The following HERC2 variants were observed in gnomAD, a reference collection of about 807,000 sequenced individuals.
HERC2 encodes E3 ubiquitin-protein ligase HERC2.
A neutral mutation model predicts 537.7 loss-of-function variants in HERC2; 102 were observed. The observed-to-expected ratio is 0.19, with a 90% CI of 0.16 to 0.22. HERC2 has a LOEUF of 0.22. HERC2 is among the 10% of genes least tolerant of loss of function. HERC2 has a pLI of 1.00. For missense variants in HERC2, 4,236 were observed against 6,198.2 expected (o/e 0.68, Z 10.63); for synonymous variants, 2,224 against 2,466.2 (o/e 0.90, Z 2.91).
intron 38 of HERC2, 50 bp from the exon 39 acceptor site, chr15:28,215,852 T>C (rs1231427562): frequency 1.8e-6 from 2 of 1,127,732 alleles, no homozygotes; most frequent in Middle Eastern, 2.9e-4. Flanking sequence ...TAAAGACAAA[T>C]CCCTAAAGAT....
Position 28,288,774 on chromosome 15 carries a change from C to G in HERC2, c.322+4114G>C, listed in dbSNP as rs550122091. On this transcript the variant is annotated intron_variant, in intron 4 of 92. Transcript: ENST00000261609. The stretch of plus-strand genomic sequence containing the variant: ...GAGGCAGGAGACTCGCTTGAACCCA[C>G]GTGGGGGAGGTTGCAGTGAGCTGAG... Among the ~76,000 whole-genome samples, 22 of 147,370 alleles carry G rather than the reference C, an allele frequency of 1.5e-4. No individual in the cohort carries two copies. The East Asian group carries it at 3.1e-3, about 20-fold the overall frequency.
At chr15:28,171,847 G>A (rs1356181169) in intron 65 of HERC2, among the ~76,000 whole-genome samples, 1 of 152,104 alleles carries the variant, frequency 6.6e-6, no homozygotes, top group East Asian at 1.9e-4. Flanking sequence ...GGCCGAGGTG[G>A]GCGGATCACG....
intron 3 of HERC2, among the ~76,000 whole-genome samples, chr15:28,294,280 A>C (rs1043422121): frequency 6.6e-6 from 1 of 151,900 alleles, no homozygotes; most frequent in African/African-American, 2.4e-5. Flanking sequence ...CTAATGGCTG[A>C]AAACTTCCTA....
intron 14 of HERC2, 37 bp from the exon 15 acceptor site, chr15:28,263,206 T>C (rs2075460583): frequency 6.3e-7 from 1 of 1,583,752 alleles, no homozygotes; most frequent in Non-Finnish European, 8.6e-7. Context: ...ACAACAACTC[T>C]GCATTTTAAC....
intron 86 of HERC2, among the ~76,000 whole-genome samples, chr15:28,121,134 C>T (rs1888839291): frequency 6.6e-6 from 1 of 152,228 alleles, no homozygotes; most frequent in African/African-American, 2.4e-5. Flanking sequence ...TGACATAAAT[C>T]TTCATTACTT....
In HERC2 at chr15:28,238,668, T is replaced by A. The variant is rs1270897034; in HGVS notation, c.3682A>T (p.Ile1228Phe). ...HNKDGGFWTV[I>F]DGKVYDIKDF... ...TTTATATCATACACCTTCCCGTCAA[T>A]CACAGTCCAGAAGCCTCCATCTTTA... is the stretch of plus-strand genomic sequence containing the variant. The change falls in exon 24 of 93, where the codon ATT (isoleucine) becomes TTT (phenylalanine). Residue 1228 changes from isoleucine (I) to phenylalanine (F), a missense_variant. By Grantham distance (21) the Ile-to-Phe change is conservative. Coordinates refer to ENST00000261609, the MANE Select transcript of HERC2 (RefSeq NM_004667.6). The A allele has an allele frequency of 6.2e-7, 1 of 1,611,528 alleles. No homozygotes were observed. Among genetic ancestry groups the A allele is most frequent in the Non-Finnish European group, 8.5e-7 (1 of 1,179,548 alleles).
chr15:28,141,798 C>A lies in HERC2; in HGVS notation c.11749G>T (p.Val3917Phe). 1 of 1,614,168 alleles carries A rather than the reference C, an allele frequency of 6.2e-7. No individual in the cohort carries two copies. Among genetic ancestry groups the A allele is most frequent in the South Asian group, 1.1e-5 (1 of 91,064 alleles). ...AAAATGTCATGGCTCTCATGCAGAA[C>A]ATCCATGTTTTCGCTGTCTGCCATT... is the stretch of plus-strand genomic sequence containing the variant. ...ELMADSENMD[V>F]LHESHDIFKR... The change falls in exon 77 of 93, where the codon GTT (valine) becomes TTT (phenylalanine). Residue 3917 changes from valine (V) to phenylalanine (F), a missense_variant. By Grantham distance (50) the Val-to-Phe change is conservative. Around this residue, in one of 27 missense-constraint regions of HERC2, gnomAD observed 156 missense variants for 172.3 expected, o/e 0.91. Coordinates refer to ENST00000261609, the MANE Select transcript of HERC2 (RefSeq NM_004667.6).
At chr15:28,159,936 G>C (rs55658008) in intron 69 of HERC2, among the ~76,000 whole-genome samples, 11,577 of 152,002 alleles carry the variant, frequency 0.076, 1,513 homozygotes, top group African/African-American at 0.27. Flanking sequence ...CTGTTTGTTA[G>C]TTTTCCTTCT....
At chr15:28,246,930 CTACTAAAATT>C in intron 21 of HERC2, 33 bp from the exon 22 acceptor site, 1 of 1,586,832 alleles carries the variant, frequency 6.3e-7, no homozygotes, top group Non-Finnish European at 8.6e-7. Flanking sequence ...TTCATTTTCA[CTACTAAAATT>C]TTTCTTTGTA....
chr15:28,294,828 T>G (rs947319309), intron 3 of HERC2, among the ~76,000 whole-genome samples: 1 of 152,060 alleles, frequency 6.6e-6, no homozygotes, highest in Non-Finnish European at 1.5e-5. Flanking sequence ...TGCTATTTCA[T>G]CTGTCCAGTG....
At chr15:28,289,291 AGAAAG>A (rs1360867920) in intron 4 of HERC2, among the ~76,000 whole-genome samples, 1 of 152,154 alleles carries the variant, frequency 6.6e-6, no homozygotes, top group Admixed American at 6.5e-5. Flanking sequence ...CCAAATCAGA[AGAAAG>A]GAGAGTAGTC....
chr15:28,214,428 G>C (rs1390948017), intron 40 of HERC2, among the ~76,000 whole-genome samples, 156 bp from the exon 41 acceptor site: 1 of 142,342 alleles, frequency 7.0e-6, no homozygotes, highest in African/African-American at 2.7e-5. Flanking sequence ...ACGGCACTGC[G>C]CCGCTCTTCA....
At chr15:28,295,318 G>A (rs1420478039) in intron 3 of HERC2, among the ~76,000 whole-genome samples, 1 of 128,416 alleles carries the variant, frequency 7.8e-6, no homozygotes, top group South Asian at 3.5e-4. Context: ...TGGGGGGGGG[G>A]GAGTGGGGGG....
chr15:28,308,618 G>C (rs1255463263), intron 2 of HERC2, among the ~76,000 whole-genome samples: 1 of 152,210 alleles, frequency 6.6e-6, no homozygotes, highest in African/African-American at 2.4e-5. Flanking sequence ...GAGCATCCTT[G>C]TCATGTTCCA....
At chr15:28,295,308 T>TGGGGGGGG (rs3079935) in intron 3 of HERC2, among the ~76,000 whole-genome samples, 7 of 79,620 alleles carry the variant, frequency 8.8e-5, no homozygotes, top group East Asian at 5.2e-4. Flanking sequence ...TACATGTGTG[T>TGGGGGGGG]GGGGGGGGGG....
intron 17 of HERC2, 108 bp from the exon 18 acceptor site, chr15:28,256,425 A>C: frequency 2.5e-6 from 2 of 807,942 alleles, no homozygotes; most frequent in East Asian, 5.4e-5. Flanking sequence ...TTAAATAGAC[A>C]ATTTCTCAGT....
At chr15:28,267,164 T>C (rs2075590897) in intron 12 of HERC2, among the ~76,000 whole-genome samples, 1 of 152,216 alleles carries the variant, frequency 6.6e-6, no homozygotes, top group Non-Finnish European at 1.5e-5. Context: ...TTACTCACTT[T>C]GTGACCTACT....
intron 26 of HERC2, among the ~76,000 whole-genome samples, chr15:28,236,354 G>A (rs1200953059): frequency 1.3e-5 from 2 of 152,012 alleles, no homozygotes; most frequent in Non-Finnish European, 2.9e-5. Context: ...GCAGTGGCGC[G>A]ATCTCGGCTC....
intron 8 of HERC2, 38 bp downstream of exon 8, chr15:28,272,856 C>A (rs770762226): frequency 1.5e-6 from 2 of 1,369,052 alleles, no homozygotes; most frequent in South Asian, 1.2e-5. Flanking sequence ...CATACACAGG[C>A]GCTTCCCCAA....
Sources: gnomAD v4.1 joint callset for allele counts (sites outside exome capture counted in the v4.1 genomes callset) on GRCh38, gnomAD v4.1.1 for gene constraint, gnomAD v4.1.1 regional missense constraint, MANE v1.5 for transcripts, NCBI Gene and HGNC (gene_info 2026-07-23, HGNC 2026-07-21) for gene names.